HEATR5A: variants seen among roughly 807,000 people sequenced by gnomAD.
HEATR5A encodes the protein HEAT repeat containing 5A, also known as HEAT repeat-containing protein 5A.
Under a neutral mutation model 218.8 loss-of-function variants are expected in HEATR5A, and 178 were observed. The ratio of observed to expected loss-of-function variants is 0.81; its 90% CI spans 0.72 to 0.92. The LOEUF (loss-of-function observed/expected upper bound fraction) is 0.92. HEATR5A is among the 40% of genes least tolerant of loss of function. The probability of loss-of-function intolerance (pLI) is 0.00; values close to 1 mark genes in which losing one functional copy is unlikely to be tolerated. For missense variants in HEATR5A, 2,420 were observed against 2,418.9 expected, an observed-to-expected ratio of 1.00 and a Z score of -0.01; for synonymous variants, 864 against 871.6, an observed-to-expected ratio of 0.99 and a Z score of 0.15.
chr14:31,413,642 T>C lies in HEATR5A; in HGVS notation c.-75+6830A>G, dbSNP rs946984089. On this transcript the variant is annotated intron_variant, in intron 1 of 35. Coordinates refer to ENST00000543095, the MANE Select transcript of HEATR5A (RefSeq NM_015473.4). The stretch of plus-strand genomic sequence containing the variant: ...TCAGTGACAGAAAAATGATTATTTT[T>C]TGAGGATCTACGTACTAAAACCTTT... 2.6e-5 allele frequency among the ~76,000 whole-genome samples: 4 copies of C among 152,278 alleles called. No homozygotes were observed. The South Asian group carries it at 8.3e-4, about 32-fold the overall frequency.
intron 21 of HEATR5A, among the ~76,000 whole-genome samples, chr14:31,342,252 G>A (rs147263537): frequency 2.5e-4 from 38 of 152,208 alleles, no homozygotes; most frequent in African/African-American, 8.7e-4. Context: ...GCTAGGTGTG[G>A]TGGTACTTTA....
intron 11 of HEATR5A, among the ~76,000 whole-genome samples, chr14:31,377,125 T>TAAA (rs35859115): frequency 8.0e-6 from 1 of 125,566 alleles, no homozygotes; most frequent in Non-Finnish European, 1.6e-5. Flanking sequence ...CCCTGTCTCT[T>TAAA]AAAAAAAAAA....
At chr14:31,318,108 G>A (rs1292898034) in intron 26 of HEATR5A, 116 bp downstream of exon 26, 18 of 800,814 alleles carry the variant, frequency 2.2e-5, no homozygotes, top group Non-Finnish European at 3.4e-5. Flanking sequence ...AAGAAGAAAA[G>A]TGTAAGCTAT....
At position 31,395,255 on chromosome 14, in the gene HEATR5A, C is replaced by G; in HGVS notation, c.541G>C (p.Ala181Pro). 1 of 1,534,236 alleles carries G rather than the reference C, an allele frequency of 6.5e-7. No individual in the cohort carries two copies. The highest frequency in any genetic ancestry group is 8.7e-7 in the Non-Finnish European group (1 of 1,145,298). ...AAPCHRDVYKAARSCLTDRSM... is the reference protein window; with the variant it reads ...AAPCHRDVYKPARSCLTDRSM... ...CTATCTGTCAAGCAGGATCTAGCAG[C>G]TTTATAAACATCCCTGTGACAAGGT... The change falls in exon 5 of 36, where the codon GCT (alanine) becomes CCT (proline). Residue 181 changes from alanine to proline, a missense_variant. Transcript: ENST00000543095.
chr14:31,405,226 G>A (rs1311125384), intron 1 of HEATR5A, among the ~76,000 whole-genome samples: 2 of 152,086 alleles, frequency 1.3e-5, no homozygotes, highest in Non-Finnish European at 2.9e-5. Flanking sequence ...CTGAACTCAG[G>A]CGTTTGAGAC....
intron 21 of HEATR5A, 85 bp downstream of exon 21, chr14:31,343,806 ATAGTC>A (rs1900922390): frequency 2.8e-6 from 3 of 1,065,408 alleles, no homozygotes; most frequent in Admixed American, 5.8e-5. Flanking sequence ...AACTTTGTAC[ATAGTC>A]TAGAGTATAA....
intron 14 of HEATR5A, among the ~76,000 whole-genome samples, chr14:31,362,916 T>C (rs905792648): frequency 3.3e-5 from 5 of 152,130 alleles, no homozygotes; most frequent in Middle Eastern, 3.2e-3. Flanking sequence ...GGCTTATGCC[T>C]GCAATCCTAG....
At chr14:31,309,427 T>G (rs1490604912) in intron 28 of HEATR5A, among the ~76,000 whole-genome samples, 2 of 152,210 alleles carry the variant, frequency 1.3e-5, no homozygotes, top group Non-Finnish European at 2.9e-5. Flanking sequence ...ACTAATATAT[T>G]GTTAACAAAA....
At position 31,323,811 on chromosome 14, in the gene HEATR5A, T is replaced by C. The variant is rs1468387004; in HGVS notation, c.3548-7A>G. ...CAAGTTACAGCTGTAAAATCTTTTA[T>C]TAAAGGAGAACATATGTAATTATAA... On this transcript the variant is annotated splice_polypyrimidine_tract_variant and splice_region_variant and intron_variant, in intron 23 of 35. Coordinates refer to ENST00000543095, the MANE Select transcript of HEATR5A (RefSeq NM_015473.4). 2.6e-6 allele frequency: 4 copies of C among 1,553,448 alleles called. No individual in the cohort carries two copies. The East Asian group carries it at 9.0e-5, about 35-fold the overall frequency.
chr14:31,369,920 T>TA (rs1901968532), intron 13 of HEATR5A, among the ~76,000 whole-genome samples: 2 of 105,070 alleles, frequency 1.9e-5, no homozygotes, highest in Non-Finnish European at 3.7e-5. Flanking sequence ...GGTGACAGTG[T>TA]AAGACTCTAT....
chr14:31,398,560 A>G, intron 4 of HEATR5A, 113 bp downstream of exon 4: 2 of 578,914 alleles, frequency 3.5e-6, no homozygotes, highest in Non-Finnish European at 6.0e-6. Flanking sequence ...GGGTACATTT[A>G]TATTCATATC....
Position 31,293,439 on chromosome 14 carries a change from G to C in HEATR5A, c.6007C>G (p.Pro2003Ala). 3 of 1,613,938 alleles carry C rather than the reference G, an allele frequency of 1.9e-6. No homozygotes were observed. The highest frequency in any genetic ancestry group is 8.5e-7 in the Non-Finnish European group (1 of 1,179,858). Residue 2003 changes from proline (P) to alanine (A), a missense_variant, in exon 36 of 36, where the codon CCA becomes GCA. Coordinates refer to ENST00000543095, the MANE Select transcript of HEATR5A (RefSeq NM_015473.4). ...SVFKSLVASSPALKARLEAAI... is the reference protein window; with the variant it reads ...SVFKSLVASSAALKARLEAAI... ...GCCTCAAGGCGGGCTTTTAGGGCTG[G>C]AGAAGAAGCCACTAAACTTTTAAAA... is the stretch of plus-strand genomic sequence containing the variant.
At chr14:31,398,347 T>G (rs549645871) in intron 4 of HEATR5A, among the ~76,000 whole-genome samples, 1 of 152,238 alleles carries the variant, frequency 6.6e-6, no homozygotes, top group East Asian at 1.9e-4. Context: ...TGACAAGCAG[T>G]TGCACTGGCA....
Position 31,362,367 on chromosome 14 carries a change from T to C in HEATR5A, c.2071+1822A>G, listed in dbSNP as rs77472006. On this transcript the variant is annotated intron_variant, in intron 14 of 35. Transcript: ENST00000543095. ...GAAATATATCCTTTAGGACTCCTGA[T>C]TGCATTTCCAAACTCCAATTCTGAG... Among the ~76,000 whole-genome samples the C allele has an allele frequency of 3.0e-3, 451 of 151,852 alleles. 13 individuals are homozygous for C. In the East Asian group the frequency reaches 0.064, roughly 22 times the overall value.
intron 22 of HEATR5A, chr14:31,334,182 T>C (rs1900572889): frequency 3.9e-6 from 1 of 255,992 alleles, no homozygotes; most frequent in Non-Finnish European, 8.1e-6. Context: ...AAAATATTAC[T>C]GCTCACTGAC....
intron 14 of HEATR5A, 46 bp downstream of exon 14, chr14:31,364,143 C>T (rs1377881925): frequency 7.9e-6 from 6 of 755,578 alleles, no homozygotes; most frequent in Non-Finnish European, 1.1e-5. Context: ...GTTCCAGAAA[C>T]CATACTAGCC....
intron 13 of HEATR5A, among the ~76,000 whole-genome samples, chr14:31,369,448 A>G (rs970638491): frequency 6.6e-6 from 1 of 151,912 alleles, no homozygotes; most frequent in Non-Finnish European, 1.5e-5. Flanking sequence ...TCCTGTCTCT[A>G]TGAAAAACAC....
At chr14:31,323,460 C>T in intron 24 of HEATR5A, 105 bp downstream of exon 24, 3 of 882,376 alleles carry the variant, frequency 3.4e-6, no homozygotes, top group Admixed American at 3.3e-5. Flanking sequence ...CTGTGTCTGG[C>T]TAGTTTCATT....
At chr14:31,392,251 T>C (rs1443488810) in intron 6 of HEATR5A, among the ~76,000 whole-genome samples, 1 of 152,108 alleles carries the variant, frequency 6.6e-6, no homozygotes, top group African/African-American at 2.4e-5. Flanking sequence ...ACAATGTAAG[T>C]CTGCCACATT....
Sources: gnomAD v4.1 joint callset for allele counts (sites outside exome capture counted in the v4.1 genomes callset) on GRCh38, gnomAD v4.1.1 for gene constraint, MANE v1.5 for transcripts, NCBI Gene and HGNC (gene_info 2026-07-23, HGNC 2026-07-21) for gene names.